SHC4: variants seen among roughly 807,000 people sequenced by gnomAD.
SHC4 encodes SHC adaptor protein 4, also known as SHC-transforming protein 4.
SHC4 carries 41 observed loss-of-function variants against 69.4 expected under a neutral mutation model. The observed-to-expected ratio is 0.59, with a 90% CI of 0.46 to 0.77. The LOEUF is 0.77. SHC4 is among the 30% of genes least tolerant of loss of function. The pLI, the probability that SHC4 is intolerant of heterozygous loss-of-function variation, is 0.00. For synonymous variants in SHC4, 318 were observed against 299.3 expected, an observed-to-expected ratio of 1.06 and a Z score of -0.64; for missense variants, 777 against 783.8, an observed-to-expected ratio of 0.99 and a Z score of 0.10.
At position 48,825,924 on chromosome 15, in the gene SHC4, CA is replaced by C. The variant is rs1390775073; in HGVS notation, c.*46del. On this transcript the variant is annotated 3_prime_UTR_variant, in exon 12 of 12. Coordinates refer to ENST00000332408, the MANE Select transcript of SHC4 (RefSeq NM_203349.4). ...TTTAAATTATCTTTGTGTCCTAATA[CA>C]AAATGGGGTTTCTTGAAATATCAGT... The C allele has an allele frequency of 2.5e-6, 4 of 1,584,602 alleles. No individual in the cohort carries two copies. Among genetic ancestry groups the C allele is most frequent in the Non-Finnish European group, 3.4e-6 (4 of 1,167,570 alleles).
intron 11 of SHC4, among the ~76,000 whole-genome samples, chr15:48,831,039 A>C (rs1898790450): frequency 6.6e-6 from 1 of 152,150 alleles, no homozygotes; most frequent in East Asian, 1.9e-4. Flanking sequence ...AACAATAACA[A>C]AAAAGTTTAA....
chr15:48,944,123 T>C (rs1595766149), intron 1 of SHC4, among the ~76,000 whole-genome samples: 1 of 152,196 alleles, frequency 6.6e-6, no homozygotes, highest in East Asian at 1.9e-4. Flanking sequence ...CTACAAACTT[T>C]CAAGTGGTAA....
chr15:48,927,414 C>T (rs553223501), intron 1 of SHC4, among the ~76,000 whole-genome samples: 3 of 152,186 alleles, frequency 2.0e-5, no homozygotes, highest in East Asian at 3.9e-4. Context: ...TGTAAATCAC[C>T]GATTGAAGAC....
chr15:48,952,305 C>T (rs1901377426), intron 1 of SHC4, among the ~76,000 whole-genome samples: 1 of 152,172 alleles, frequency 6.6e-6, no homozygotes. Context: ...ACTGGAATGT[C>T]AACCCCTCTA....
intron 7 of SHC4, 147 bp downstream of exon 7, chr15:48,857,545 G>T (rs1005506374): frequency 2.3e-5 from 14 of 596,470 alleles, no homozygotes; most frequent in African/African-American, 2.3e-4. Flanking sequence ...CTGAGACTGT[G>T]TCTATTTGCA....
chr15:48,869,185 TACTC>T (rs1334833096), intron 5 of SHC4, among the ~76,000 whole-genome samples: 3 of 152,264 alleles, frequency 2.0e-5, no homozygotes, highest in South Asian at 2.1e-4. Context: ...ATTTTTGACA[TACTC>T]ACAATGCACT....
intron 2 of SHC4, among the ~76,000 whole-genome samples, chr15:48,891,642 T>G (rs1472450860): frequency 6.6e-6 from 1 of 152,238 alleles, no homozygotes; most frequent in Non-Finnish European, 1.5e-5. Context: ...ACAAGGCAAA[T>G]GGAAATCTCT....
chr15:48,921,939 A>G (rs1269523093), intron 2 of SHC4, among the ~76,000 whole-genome samples: 1 of 152,090 alleles, frequency 6.6e-6, no homozygotes, highest in Non-Finnish European at 1.5e-5. Context: ...AAATACTGGA[A>G]ATGGATTTAA....
intron 6 of SHC4, among the ~76,000 whole-genome samples, chr15:48,862,486 G>C (rs937718475): frequency 2.0e-5 from 3 of 152,158 alleles, no homozygotes; most frequent in Admixed American, 6.5e-5. Flanking sequence ...TCCTAGCCAA[G>C]ATGGAAAAAG....
chr15:48,857,843 T>A (rs369584892), intron 6 of SHC4, 28 bp from the exon 7 acceptor site: 1 of 1,458,826 alleles, frequency 6.9e-7, no homozygotes, highest in Non-Finnish European at 9.1e-7. Flanking sequence ...AAAAATAATA[T>A]TATAATAAAT....
intron 1 of SHC4, among the ~76,000 whole-genome samples, chr15:48,943,820 T>C (rs561036031): frequency 6.6e-6 from 1 of 152,262 alleles, no homozygotes; most frequent in Non-Finnish European, 1.5e-5. Flanking sequence ...CCATATAGTT[T>C]TGATTTGCAT....
Position 48,843,552 on chromosome 15 carries a change from T to A in SHC4, c.1340A>T (p.Asp447Val), listed in dbSNP as rs17856992. The part of the protein sequence containing the change: ...VHPRGVQSQR[D>V]TSLLKHTCRV... ...GCACGTGTGCTTCAATAATGAGGTA[T>A]CTCGCTGGGACTGCACCCCTCTTGG... Residue 447 changes from aspartate to valine, a missense_variant, in exon 10 of 12, where the codon GAT (aspartate) becomes GTT (valine). Coordinates refer to ENST00000332408, the MANE Select transcript of SHC4 (RefSeq NM_203349.4). The A allele has an allele frequency of 6.2e-7, 1 of 1,614,192 alleles. No homozygotes were observed. Among genetic ancestry groups the A allele is most frequent in the Non-Finnish European group, 8.5e-7 (1 of 1,180,008 alleles).
chr15:48,863,276 T>C (rs952182784), intron 6 of SHC4, among the ~76,000 whole-genome samples: 23 of 152,132 alleles, frequency 1.5e-4, no homozygotes, highest in Non-Finnish European at 2.9e-4. Context: ...CATTTTGCCA[T>C]ATGTCTTTCC....
intron 1 of SHC4, chr15:48,946,490 C>G: frequency 1.3e-6 from 1 of 765,238 alleles, no homozygotes; most frequent in Non-Finnish European, 1.6e-6. Flanking sequence ...TCTCCTCCCC[C>G]TTTCCTCTCC....
chr15:48,850,031 C>T (rs938094144), intron 9 of SHC4, among the ~76,000 whole-genome samples: 1 of 152,054 alleles, frequency 6.6e-6, no homozygotes, highest in Non-Finnish European at 1.5e-5. Context: ...GGCGAAACCC[C>T]GTTTCTACTA....
chr15:48,963,560 G>GT lies in SHC4; in HGVS notation c.-546dup, dbSNP rs1449436479. The GT allele has an allele frequency of 3.9e-5, 6 of 153,070 alleles. No homozygotes were observed. In the South Asian group the frequency reaches 8.2e-4, roughly 21 times the overall value. 9.5% of individuals were successfully genotyped at this position (153,070 alleles called of 1,614,324 possible). ...GTTCATTTAAAAAGGAAAAAAAAAT[G>GT]TATCTATGAACCAAAGGCCCTTTTG... On this transcript the variant is annotated 5_prime_UTR_variant, in exon 1 of 12. An upstream open reading frame in the 5' UTR loses its in-frame stop. Transcript: ENST00000332408.
intron 1 of SHC4, among the ~76,000 whole-genome samples, chr15:48,946,285 C>A (rs1414992925): frequency 6.6e-6 from 1 of 152,190 alleles, no homozygotes; most frequent in Non-Finnish European, 1.5e-5. Flanking sequence ...AACTCACTAG[C>A]AGGTGAGCCA....
intron 1 of SHC4, among the ~76,000 whole-genome samples, chr15:48,949,988 A>G (rs11637699): frequency 0.14 from 20,524 of 141,888 alleles, 1,640 homozygotes; most frequent in Admixed American, 0.21. Flanking sequence ...TAATATATAA[A>G]ATAATATATT....
At chr15:48,866,283 C>A (rs1446579807) in intron 6 of SHC4, among the ~76,000 whole-genome samples, 1 of 152,204 alleles carries the variant, frequency 6.6e-6, no homozygotes, top group Non-Finnish European at 1.5e-5. Context: ...GTCTCTCCTG[C>A]ACACTCTTTG....
Sources: gnomAD v4.1 joint callset for allele counts (sites outside exome capture counted in the v4.1 genomes callset) on GRCh38, gnomAD v4.1.1 for gene constraint, MANE v1.5 for transcripts, NCBI Gene and HGNC (gene_info 2026-07-23, HGNC 2026-07-21) for gene names.